ZNF250: variants seen among roughly 807,000 people sequenced by gnomAD.
The protein encoded by ZNF250 is zinc finger protein 250.
A neutral mutation model predicts 37.1 loss-of-function variants in ZNF250; 13 were observed. That is an observed-to-expected ratio of 0.35 (90% CI 0.23 to 0.56). The LOEUF is 0.56. ZNF250 is among the 20% of genes least tolerant of loss of function. ZNF250 has a pLI of 0.87. For synonymous variants in ZNF250, 251 were observed against 265.6 expected (o/e 0.94, Z 0.54); for missense variants, 474 against 697.9 (o/e 0.68, Z 3.61).
chr8:144,882,620 G>C lies in ZNF250; in HGVS notation c.563C>G (p.Pro188Arg), dbSNP rs778730385. Residue 188 changes from proline to arginine, a missense_variant, in exon 6 of 6, where the codon CCT becomes CGT. By Grantham distance (103) the Pro-to-Arg change is moderately radical. Coordinates refer to ENST00000417550, the MANE Select transcript of ZNF250 (RefSeq NM_001109689.4). This position sits in a 1 kb window ranked among gnomAD's most constrained non-coding sequence, Gnocchi z 5.5. ...ACACATGTAGGGCCTCTCTCCACTA[G>C]GCACTGCCTGGTGCGGAGTGAGTGG... ...SMPLTPHQAV[P>R]SGERPYMCVE... is the part of the protein sequence containing the mutation. The C allele has an allele frequency of 4.3e-6, 7 of 1,613,876 alleles. No individual in the cohort carries two copies. In the African/African-American group the frequency reaches 6.7e-5, roughly 15 times the overall value.
intron 1 of ZNF250, among the ~76,000 whole-genome samples, chr8:144,895,650 G>C (rs1318612294): frequency 6.6e-6 from 1 of 152,052 alleles, no homozygotes; most frequent in Non-Finnish European, 1.5e-5. Context: ...GTGAGTCTTA[G>C]AAAAGCATCA....
In ZNF250 at chr8:144,900,750, T is replaced by C. The variant is rs2129928308; in HGVS notation, c.-55+649A>G. 1.3e-5 allele frequency among the ~76,000 whole-genome samples: 2 copies of C among 152,228 alleles called. 1 individual carries two copies. Among genetic ancestry groups the C allele is most frequent in the Middle Eastern group, 6.8e-3 (2 of 294 alleles). On this transcript the variant is annotated intron_variant, in intron 1 of 5. Coordinates refer to ENST00000417550, the MANE Select transcript of ZNF250 (RefSeq NM_001109689.4). Reference sequence around the variant, plus strand: ...AACTGCTGAAACGAAAGCAGCTCGTTTTCGTCTTGACGCGGGAAGACTTTT... The same window carrying C: ...AACTGCTGAAACGAAAGCAGCTCGTCTTCGTCTTGACGCGGGAAGACTTTT...
intron 1 of ZNF250, among the ~76,000 whole-genome samples, chr8:144,892,633 C>T (rs1296135184): frequency 6.6e-6 from 1 of 152,080 alleles, no homozygotes; most frequent in Non-Finnish European, 1.5e-5. Flanking sequence ...CGGCTCACCG[C>T]AACCTCCACC....
chr8:144,898,023 T>C (rs1832834740), intron 1 of ZNF250, among the ~76,000 whole-genome samples: 1 of 152,194 alleles, frequency 6.6e-6, no homozygotes, highest in Admixed American at 6.5e-5. Flanking sequence ...ACAGAGATTT[T>C]GTTTATGGCC....
rs559020297 is a variant in ZNF250 at position 144,890,676 on chromosome 8, C to G, written c.-54-273G>C. Among the ~76,000 whole-genome samples the G allele has an allele frequency of 3.3e-4, 50 of 152,256 alleles. No individual in the cohort carries two copies. Among genetic ancestry groups the G allele is most frequent in the African/African-American group, 1.2e-3 (50 of 41,556 alleles). On this transcript the variant is annotated intron_variant, in intron 1 of 5. Coordinates refer to ENST00000417550, the MANE Select transcript of ZNF250 (RefSeq NM_001109689.4). The surrounding 1 kb of genome is among the most constrained non-coding windows in gnomAD (Gnocchi z 5.1). ...CTGAACACCAGGTGCAAGGCACTTG[C>G]TGCACCCTGGTCCCGGCCCATGGTC...
In ZNF250 at chr8:144,878,308, A is replaced by G. The variant is rs1831249126; in HGVS notation, c.*3207T>C. 6.6e-6 allele frequency: 1 copy of G among 152,302 alleles called. No homozygotes were observed. Among genetic ancestry groups the G allele is most frequent in the South Asian group, 2.1e-4 (1 of 4,818 alleles). The allele number at this position is 152,302 out of a possible 1,614,324, so 9.4% of individuals were successfully genotyped here. A position where few individuals can be genotyped will look rare whatever the true frequency, so the allele number is the denominator to read the frequency against. On this transcript the variant is annotated 3_prime_UTR_variant, in exon 6 of 6. Transcript: ENST00000417550. ...TAAAGCATCACCCCTAGTGATCTCA[A>G]CCTTTCTCTGAAGAATCACCTTAGT...
rs777377441 is a variant in ZNF250, at chr8:144,882,827, G to A, written c.356C>T (p.Thr119Ile). ...DSLSCPWECE[T>I]KGESQNTDLS... ...GTCTGTATTTTGACTCTCTCCCTTG[G>A]TTTCACATTCTGAAAGAACAAATCC... The change falls in exon 6 of 6, where the codon ACC becomes ATC. Residue 119 changes from threonine to isoleucine, a missense_variant. Physicochemically the swap from Thr to Ile is moderately conservative, Grantham distance 89. Transcript: ENST00000417550. The surrounding 1 kb of genome is among the most constrained non-coding windows in gnomAD (Gnocchi z 5.5). 1 of 1,604,864 alleles carries A rather than the reference G, an allele frequency of 6.2e-7. No individual in the cohort carries two copies. Among genetic ancestry groups the A allele is most frequent in the Non-Finnish European group, 8.5e-7 (1 of 1,175,532 alleles).
intron 5 of ZNF250, among the ~76,000 whole-genome samples, chr8:144,886,188 A>G (rs1388649899): frequency 2.0e-5 from 3 of 151,330 alleles, no homozygotes; most frequent in Non-Finnish European, 4.4e-5. Context: ...ATAAAAACAC[A>G]GGCCAGGCAC....
chr8:144,889,559 G>A (rs1013796820), intron 4 of ZNF250, 22 bp downstream of exon 4: 5 of 1,586,574 alleles, frequency 3.2e-6, no homozygotes, highest in Middle Eastern at 1.7e-4. Context: ...CAGTGAGGGA[G>A]GGGCCAGCTC....
chr8:144,883,784 C>T (rs536858339), intron 5 of ZNF250, among the ~76,000 whole-genome samples: 1 of 152,036 alleles, frequency 6.6e-6, no homozygotes, highest in Non-Finnish European at 1.5e-5. Context: ...GCATAGATGG[C>T]GGGAAAGGCA....
chr8:144,889,696 T>A lies in ZNF250; in HGVS notation c.170-2A>T. 1 of 1,613,406 alleles carries A rather than the reference T, an allele frequency of 6.2e-7. No individual in the cohort carries two copies. Among genetic ancestry groups the A allele is most frequent in the Non-Finnish European group, 8.5e-7 (1 of 1,179,636 alleles). On this transcript the variant is annotated splice_acceptor_variant, in intron 3 of 5. Transcript: ENST00000417550. LOFTEE classifies it high-confidence loss of function. ...TGTCAGGCTTGGATCCTGGAAGTCC[T>A]GCTCGTGGGGAGGGAAGTCTTTGTT...
Position 144,881,251 on chromosome 8 carries a change from T to C in ZNF250, c.*264A>G. On this transcript the variant is annotated 3_prime_UTR_variant, in exon 6 of 6. Coordinates refer to ENST00000417550, the MANE Select transcript of ZNF250 (RefSeq NM_001109689.4). ...CAAATAAACTAATGTTAAAGAATTA[T>C]GGCTGTTTTTTACCAAAATTCTCTA... 2 of 368,186 alleles carry C rather than the reference T, an allele frequency of 5.4e-6. No individual in the cohort carries two copies. The highest frequency in any genetic ancestry group is 4.8e-6 in the Non-Finnish European group (1 of 207,680). 22.8% of individuals were successfully genotyped at this position (368,186 alleles called of 1,614,324 possible). A position where few individuals can be genotyped will look rare whatever the true frequency, so the allele number is the denominator to read the frequency against.
intron 5 of ZNF250, among the ~76,000 whole-genome samples, chr8:144,885,015 G>A (rs75421750): frequency 0.01 from 1,527 of 152,162 alleles, 12 homozygotes; most frequent in South Asian, 0.024. Context: ...GTAATTCTGC[G>A]TCTTTTTATT....
In ZNF250 at chr8:144,898,071, C is replaced by T. The variant is rs74218755; in HGVS notation, c.-55+3328G>A. Among the ~76,000 whole-genome samples the T allele has an allele frequency of 1.2e-4, 18 of 152,166 alleles. No individual in the cohort carries two copies. In the East Asian group the frequency reaches 2.7e-3, roughly 23 times the overall value. The stretch of plus-strand genomic sequence containing the variant: ...AGTTTATAGCCAGATTTTGGGGGGG[C>T]CTGATCCCAACAGTCAGGAGTTCAA... On this transcript the variant is annotated intron_variant, in intron 1 of 5. Transcript: ENST00000417550.
Position 144,880,601 on chromosome 8 carries a change from C to T in ZNF250, c.*914G>A, listed in dbSNP as rs151208605. 1.8e-4 allele frequency: 75 copies of T among 417,734 alleles called. No homozygotes were observed. In the Middle Eastern group the frequency reaches 2.2e-3, roughly 12 times the overall value. 25.9% of individuals were successfully genotyped at this position (417,734 alleles called of 1,614,324 possible). A position where few individuals can be genotyped will look rare whatever the true frequency, so the allele number is the denominator to read the frequency against. The stretch of plus-strand genomic sequence containing the variant: ...TTTCTAGGCCAGGCATGGTGCCTCA[C>T]GCCTGTAATCCCAACACTTTCGGAA... On this transcript the variant is annotated 3_prime_UTR_variant, in exon 6 of 6. Transcript: ENST00000417550.
chr8:144,887,252 CAAAAAAAAAAAAAAA>C (rs56677445), intron 4 of ZNF250, among the ~76,000 whole-genome samples: 11 of 63,080 alleles, frequency 1.7e-4, no homozygotes, highest in Admixed American at 5.8e-4. Flanking sequence ...CTCCGTCTCT[CAAAAAAAAAAAAAAA>C]AAAAAAAAAA....
At chr8:144,902,099 G>C (rs957918749), upstream of ZNF250, 6 of 152,448 alleles carry the variant, frequency 3.9e-5, no homozygotes. Flanking sequence ...GCTCTTCGCT[G>C]TGTCCGGCCC....
In ZNF250 at chr8:144,881,574, G is replaced by A. The variant is rs561303501; in HGVS notation, c.1609C>T (p.Arg537Cys). ...AGGTGGCCATGCTGGTTGAAGGCAC[G>A]CCCACACTCCCCGCACTCATAGGGC... Reference protein sequence around the residue: ...EKPYECGECGRAFNQHGHLIQ... With the variant: ...EKPYECGECGCAFNQHGHLIQ... Residue 537 changes from arginine (R) to cysteine (C), a missense_variant, in exon 6 of 6, where the codon CGT becomes TGT. Arg to Cys is a radical substitution (Grantham distance 180, BLOSUM62 -3). This residue lies in a region of ZNF250 where 282 missense variants were observed against 470.4 expected (regional missense o/e 0.60). Transcript: ENST00000417550. The A allele has an allele frequency of 3.1e-6, 5 of 1,610,530 alleles. No homozygotes were observed. Among genetic ancestry groups the A allele is most frequent in the African/African-American group, 1.3e-5 (1 of 74,908 alleles).
chr8:144,900,197 A>G (rs1156301399), intron 1 of ZNF250, among the ~76,000 whole-genome samples: 10 of 152,204 alleles, frequency 6.6e-5, no homozygotes. Context: ...AGCCCACAGG[A>G]CCAGAGTCCC....
Sources: gnomAD v4.1 joint callset for allele counts (sites outside exome capture counted in the v4.1 genomes callset) on GRCh38, gnomAD v4.1.1 for gene constraint, gnomAD v4.1.1 regional missense constraint, Gnocchi (gnomAD v3.1) non-coding constraint, MANE v1.5 for transcripts, NCBI Gene and HGNC (gene_info 2026-07-23, HGNC 2026-07-21) for gene names.